Variants in SLC37A1 observed in about 807,000 individuals in gnomAD.
SLC37A1 encodes glucose-6-phosphate exchanger SLC37A1.
Under a neutral mutation model 75.3 loss-of-function variants are expected in SLC37A1, and 49 were observed. That is an observed-to-expected ratio of 0.65 (90% CI 0.52 to 0.83). The LOEUF is 0.83. Ranked by LOEUF, SLC37A1 falls within the 40% of genes least tolerant of loss-of-function variation. The probability of loss-of-function intolerance (pLI) is 0.00; values close to 1 mark genes in which losing one functional copy is unlikely to be tolerated. For synonymous variants in SLC37A1, 268 were observed against 292.1 expected (o/e 0.92, Z 0.84); for missense variants, 566 against 695.0 (o/e 0.81, Z 2.09).
At chr21:42,503,101 A>G (rs1201001122) in intron 2 of SLC37A1, 1 of 152,202 alleles carries the variant, frequency 6.6e-6, no homozygotes, top group Non-Finnish European at 1.5e-5. Context: ...GTCAAAAAAA[A>G]TTTCCAAAGT....
chr21:42,555,616 A>C (rs1410569526), intron 10 of SLC37A1, among the ~76,000 whole-genome samples: 1 of 151,534 alleles, frequency 6.6e-6, no homozygotes, highest in Non-Finnish European at 1.5e-5. Flanking sequence ...CCCAGTGTCC[A>C]AAAGGCTGTC....
chr21:42,553,974 A>T lies in SLC37A1; in HGVS notation c.769-88A>T. On this transcript the variant is annotated intron_variant, in intron 9 of 19. Transcript: ENST00000352133. ...TCCTCTTGGTAGCTTTTTTGGGACGATAGTAAGTATCCTTGCTACAGTAAA... is the reference window on the plus strand; with the variant it reads ...TCCTCTTGGTAGCTTTTTTGGGACGTTAGTAAGTATCCTTGCTACAGTAAA... 1.8e-6 allele frequency: 2 copies of T among 1,091,604 alleles called. 1 individual carries two copies. The highest frequency in any genetic ancestry group is 3.3e-5 in the South Asian group (2 of 60,976). 67.6% of individuals were successfully genotyped at this position (1,091,604 alleles called of 1,614,324 possible). A position where few individuals can be genotyped will look rare whatever the true frequency, so the allele number is the denominator to read the frequency against.
chr21:42,526,870 G>T (rs983634460), intron 3 of SLC37A1, among the ~76,000 whole-genome samples: 1 of 152,158 alleles, frequency 6.6e-6, no homozygotes, highest in Non-Finnish European at 1.5e-5. Context: ...AAAAGAGGTG[G>T]TGGGCCTTAA....
At chr21:42,506,360 G>C (rs2054384010) in intron 2 of SLC37A1, among the ~76,000 whole-genome samples, 1 of 152,172 alleles carries the variant, frequency 6.6e-6, no homozygotes. Flanking sequence ...TGATGAAAGG[G>C]ACTTTGTGGT....
In SLC37A1 at chr21:42,574,894, T is replaced by C. The variant is rs767942508; in HGVS notation, c.1500T>C (p.Phe500=). ...GCAATGTGTTTTACATGCTGATGTTTGCAGATGCCTGTGCCTTACTGGTAA... is the reference window on the plus strand; with the variant it reads ...GCAATGTGTTTTACATGCTGATGTTCGCAGATGCCTGTGCCTTACTGGTAA... ...GWSNVFYMLM[F]ADACALLFLI... is the part of the protein sequence containing the mutation. Residue 500 remains phenylalanine (F), a synonymous_variant, in exon 18 of 20, where the codon TTT becomes TTC. Transcript: ENST00000352133. The C allele has an allele frequency of 2.5e-6, 4 of 1,614,222 alleles. No individual in the cohort carries two copies. In the Admixed American group the frequency reaches 6.7e-5, roughly 27 times the overall value.
intron 19 of SLC37A1, 40 bp downstream of exon 19, chr21:42,579,840 G>A (rs749242493): frequency 2.6e-5 from 42 of 1,603,180 alleles, no homozygotes; most frequent in Non-Finnish European, 3.2e-5. Context: ...CGTGAAAGCC[G>A]GCTCCAAAGT....
intron 2 of SLC37A1, among the ~76,000 whole-genome samples, chr21:42,503,125 T>C (rs2054354749): frequency 1.3e-5 from 2 of 152,134 alleles, no homozygotes; most frequent in Non-Finnish European, 1.5e-5. Flanking sequence ...TTAAAGACAA[T>C]AGTATTTCAC....
In SLC37A1 at chr21:42,514,327, G is replaced by A. The variant is rs959751536; in HGVS notation, c.-569G>A. ...GCTCCACGGAGTCCCCGGCAGGGGC[G>A]AGCTTAGCTGTCCAGCCGGGTCCCC... On this transcript the variant is annotated 5_prime_UTR_variant, in exon 1 of 20. Transcript: ENST00000352133. The surrounding 1 kb of genome is among the most constrained non-coding windows in gnomAD (Gnocchi z 4.8). 7.9e-5 allele frequency: 12 copies of A among 151,844 alleles called. No individual in the cohort carries two copies. Among genetic ancestry groups the A allele is most frequent in the African/African-American group, 2.9e-4 (12 of 41,226 alleles). 9.4% of individuals were successfully genotyped at this position (151,844 alleles called of 1,614,324 possible).
At chr21:42,518,985 C>T (rs1479200228) in intron 2 of SLC37A1, among the ~76,000 whole-genome samples, 1 of 152,210 alleles carries the variant, frequency 6.6e-6, no homozygotes, top group African/African-American at 2.4e-5. Context: ...TCTGAGAATC[C>T]TTCTCTTAGG....
intron 3 of SLC37A1, among the ~76,000 whole-genome samples, chr21:42,527,244 G>A (rs1765138587): frequency 6.6e-6 from 1 of 152,198 alleles, no homozygotes; most frequent in South Asian, 2.1e-4. Context: ...GGCAGATGTA[G>A]CGTGTAAGGT....
chr21:42,574,834 C>A lies in SLC37A1; in HGVS notation c.1440C>A (p.Pro480=). 1 of 1,614,160 alleles carries A rather than the reference C, an allele frequency of 6.2e-7. No homozygotes were observed. Among genetic ancestry groups the A allele is most frequent in the Non-Finnish European group, 8.5e-7 (1 of 1,180,020 alleles). Residue 480 remains proline (P), a synonymous_variant, in exon 18 of 20, where the codon CCC becomes CCA. Coordinates refer to ENST00000352133, the MANE Select transcript of SLC37A1 (RefSeq NM_001320537.2). ...TGATTTCAGGAGCAGCCCTGGGCCC[C>A]CTGCTGGCTGGGCTCCTCTCCCCGT... The part of the protein sequence containing the change: ...GTGSVGAALG[P]LLAGLLSPSG...
rs201802080 is a variant in SLC37A1 at position 42,559,057 on chromosome 21, G to A, written c.949G>A (p.Ala317Thr). The A allele has an allele frequency of 1.3e-4, 211 of 1,612,602 alleles. No homozygotes were observed. The highest frequency in any genetic ancestry group is 1.7e-4 in the Non-Finnish European group (201 of 1,179,560). ...CGGGGACGGTGGGAGTGGCACGGCC[G>A]CCATCAGCTTCACAGGGGCCTTGAA... ...LPGDGGSGTA[A>T]ISFTGALKIP... is the part of the protein sequence containing the mutation. The change falls in exon 11 of 20, where the codon GCC becomes ACC. Residue 317 changes from alanine to threonine, a missense_variant. Transcript: ENST00000352133.
intron 3 of SLC37A1, among the ~76,000 whole-genome samples, chr21:42,529,114 C>T (rs1317956849): frequency 1.3e-5 from 2 of 151,720 alleles, no homozygotes; most frequent in Non-Finnish European, 2.9e-5. Context: ...TATTTTAATA[C>T]CATAATCAAA....
chr21:42,524,183 A>C (rs1477665894), intron 2 of SLC37A1, among the ~76,000 whole-genome samples: 1 of 152,160 alleles, frequency 6.6e-6, no homozygotes, highest in African/African-American at 2.4e-5. Flanking sequence ...CCCAGGCCAC[A>C]AGCAGGACAG....
chr21:42,501,414 A>G (rs879539798), intron 1 of SLC37A1, among the ~76,000 whole-genome samples: 16 of 152,178 alleles, frequency 1.1e-4, no homozygotes, highest in Non-Finnish European at 2.1e-4. Flanking sequence ...CTACACTGTT[A>G]AAAAAATTTA....
chr21:42,500,633 G>A (rs961277184), intron 1 of SLC37A1, among the ~76,000 whole-genome samples: 2 of 152,076 alleles, frequency 1.3e-5, no homozygotes, highest in African/African-American at 4.8e-5. Context: ...TTTCAGTCGT[G>A]TTTTTTTCTT....
intron 19 of SLC37A1, 79 bp downstream of exon 19, chr21:42,579,879 T>A: frequency 7.5e-7 from 1 of 1,340,568 alleles, no homozygotes; most frequent in Non-Finnish European, 1.1e-6. Context: ...CTTCTGCACC[T>A]GGCTTTCCTG....
chr21:42,534,152 C>T (rs113139516), intron 3 of SLC37A1, among the ~76,000 whole-genome samples: 4 of 152,150 alleles, frequency 2.6e-5, no homozygotes, highest in African/African-American at 4.8e-5. Flanking sequence ...CCTCTAGCCG[C>T]ATGGATTCGT....
chr21:42,508,122 C>CTTTTTTTTT (rs398036474), intron 2 of SLC37A1, among the ~76,000 whole-genome samples: 1 of 80,932 alleles, frequency 1.2e-5, no homozygotes, highest in African/African-American at 4.8e-5. Context: ...AGAGTACGCT[C>CTTTTTTTTT]TTTTTTTTTT....
Sources: gnomAD v4.1 joint callset for allele counts (sites outside exome capture counted in the v4.1 genomes callset) on GRCh38, gnomAD v4.1.1 for gene constraint, Gnocchi (gnomAD v3.1) non-coding constraint, MANE v1.5 for transcripts, NCBI Gene and HGNC (gene_info 2026-07-23, HGNC 2026-07-21) for gene names.